The following CNTNAP2 variants were observed in gnomAD, a reference collection of about 807,000 sequenced individuals.
The protein encoded by CNTNAP2 is contactin-associated protein-like 2.
CNTNAP2 carries 98 observed loss-of-function variants against 155.2 expected under a neutral mutation model. The ratio of observed to expected loss-of-function variants is 0.63; its 90% CI spans 0.54 to 0.75. The LOEUF (loss-of-function observed/expected upper bound fraction) is 0.75, where lower values mean the gene tolerates loss of function less well. CNTNAP2 is among the 30% of genes least tolerant of loss of function. CNTNAP2 has a pLI of 0.00. For missense variants in CNTNAP2, 1,727 were observed against 1,688.1 expected (o/e 1.02, Z -0.40); for synonymous variants, 651 against 631.2 (o/e 1.03, Z -0.47).
At chr7:148,225,434 T>C (rs1795827433) in intron 19 of CNTNAP2, among the ~76,000 whole-genome samples, 1 of 152,084 alleles carries the variant, frequency 6.6e-6, no homozygotes, top group South Asian at 2.1e-4. Flanking sequence ...GCAAAGGCCC[T>C]TGGGTAGGAA....
At chr7:146,451,518 C>A (rs2129122335) in intron 1 of CNTNAP2, among the ~76,000 whole-genome samples, 1 of 152,250 alleles carries the variant, frequency 6.6e-6, no homozygotes, top group Admixed American at 6.6e-5. Flanking sequence ...CCACAGGGTG[C>A]TGAACTCAAA....
chr7:148,052,384 G>T lies in CNTNAP2; in HGVS notation c.2384-65734G>T, dbSNP rs1199993339. On this transcript the variant is annotated intron_variant, in intron 15 of 23. Coordinates refer to ENST00000361727, the MANE Select transcript of CNTNAP2 (RefSeq NM_014141.6). ...GATGGAAAAAAAAAAAAAAGATCCA[G>T]AATTGTTCAGTAAAGGTGTAAAAAG... is the stretch of plus-strand genomic sequence containing the variant. 6.2e-5 allele frequency among the ~76,000 whole-genome samples: 9 copies of T among 145,620 alleles called. No homozygotes were observed. The South Asian group carries it at 1.9e-3, about 31-fold the overall frequency.
chr7:146,732,645 A>G (rs553060395), intron 1 of CNTNAP2, among the ~76,000 whole-genome samples: 1 of 152,132 alleles, frequency 6.6e-6, no homozygotes, highest in Non-Finnish European at 1.5e-5. Context: ...CCATCATACC[A>G]AAAAGAAATA....
At chr7:147,907,213 C>T (rs1368583400) in intron 14 of CNTNAP2, among the ~76,000 whole-genome samples, 1 of 151,978 alleles carries the variant, frequency 6.6e-6, no homozygotes, top group African/African-American at 2.4e-5. Flanking sequence ...CCCACCACCA[C>T]GCCTGGCTTA....
At chr7:146,542,147 C>T (rs1362979946) in intron 1 of CNTNAP2, among the ~76,000 whole-genome samples, 2 of 151,826 alleles carry the variant, frequency 1.3e-5, no homozygotes, top group Non-Finnish European at 2.9e-5. Context: ...TTTCTACTGT[C>T]TTCTTGTTTA....
intron 1 of CNTNAP2, among the ~76,000 whole-genome samples, chr7:146,433,174 T>C (rs956042510): frequency 2.6e-5 from 4 of 152,184 alleles, no homozygotes; most frequent in Non-Finnish European, 4.4e-5. Flanking sequence ...AATATCCATG[T>C]TCTCTCTGCT....
chr7:147,436,551 C>T (rs1290400273), intron 10 of CNTNAP2, among the ~76,000 whole-genome samples: 1 of 152,092 alleles, frequency 6.6e-6, no homozygotes, highest in African/African-American at 2.4e-5. Flanking sequence ...TCAAAGCAAA[C>T]ATTACACTGG....
intron 4 of CNTNAP2, among the ~76,000 whole-genome samples, chr7:147,060,884 AAAAG>A (rs1250604488): frequency 6.6e-5 from 10 of 152,166 alleles, no homozygotes; most frequent in African/African-American, 2.2e-4. Context: ...TAGAAAAAGA[AAAAG>A]AAAAAAACTG....
chr7:147,021,897 C>G (rs568996561), intron 3 of CNTNAP2, among the ~76,000 whole-genome samples: 88 of 149,132 alleles, frequency 5.9e-4, no homozygotes, highest in Admixed American at 1.5e-3. Context: ...ACACTCCAAT[C>G]ATGAAGGACA....
At chr7:146,732,841 A>T (rs1367791536) in intron 1 of CNTNAP2, among the ~76,000 whole-genome samples, 6 of 152,258 alleles carry the variant, frequency 3.9e-5, no homozygotes, top group African/African-American at 1.4e-4. Context: ...TACAATGTAG[A>T]TGCTGTATTG....
At chr7:147,942,779 C>T (rs767729187) in intron 14 of CNTNAP2, among the ~76,000 whole-genome samples, 4 of 152,062 alleles carry the variant, frequency 2.6e-5, no homozygotes, top group African/African-American at 9.7e-5. Flanking sequence ...GGCTCACGCC[C>T]GTAATCCCAG....
In CNTNAP2 at chr7:146,267,844, G is replaced by A. The variant is rs992481710; in HGVS notation, c.97+150871G>A. Among the ~76,000 whole-genome samples, 17 of 152,224 alleles carry A rather than the reference G, an allele frequency of 1.1e-4. No individual in the cohort carries two copies. The East Asian group carries it at 1.4e-3, about 12-fold the overall frequency. On this transcript the variant is annotated intron_variant, in intron 1 of 23. Transcript: ENST00000361727. ...AATCCTCTAAACCAGATTTTCTATAGATATAAAAATTAAAAAGAGCTATGA... is the reference window on the plus strand; with the variant it reads ...AATCCTCTAAACCAGATTTTCTATAAATATAAAAATTAAAAAGAGCTATGA...
chr7:148,110,548 C>T (rs191622385), intron 15 of CNTNAP2, among the ~76,000 whole-genome samples: 15 of 152,180 alleles, frequency 9.9e-5, no homozygotes, highest in Middle Eastern at 3.4e-3. Flanking sequence ...TCATTCTCCA[C>T]GAAAGAACTT....
At position 147,509,186 on chromosome 7, in the gene CNTNAP2, T is replaced by G. The variant is rs561474279; in HGVS notation, c.1777+23145T>G. Among the ~76,000 whole-genome samples the G allele has an allele frequency of 2.8e-4, 42 of 152,308 alleles. No individual in the cohort carries two copies. The South Asian group carries it at 8.7e-3, about 32-fold the overall frequency. The stretch of plus-strand genomic sequence containing the variant: ...ATTACTCAGCTCAAGTCTCTTTGAT[T>G]GCAGGAAACATTGTATCATCCCAAA... On this transcript the variant is annotated intron_variant, in intron 11 of 23. Transcript: ENST00000361727.
At chr7:146,331,550 G>A (rs1250363728) in intron 1 of CNTNAP2, among the ~76,000 whole-genome samples, 1 of 151,574 alleles carries the variant, frequency 6.6e-6, no homozygotes, top group Non-Finnish European at 1.5e-5. Flanking sequence ...ATCCTCCAGG[G>A]GTCCTCCAGG....
chr7:146,940,544 A>G (rs1250234228), intron 3 of CNTNAP2, among the ~76,000 whole-genome samples: 1 of 152,006 alleles, frequency 6.6e-6, no homozygotes, highest in Non-Finnish European at 1.5e-5. Context: ...GTCTTAATAA[A>G]TTATGTGTTT....
chr7:147,351,659 A>G (rs1795969620), intron 9 of CNTNAP2, among the ~76,000 whole-genome samples: 1 of 151,848 alleles, frequency 6.6e-6, no homozygotes, highest in Non-Finnish European at 1.5e-5. Flanking sequence ...ATGAGTTTAG[A>G]AACTCATGAT....
At chr7:147,424,056 T>C (rs140092011) in intron 10 of CNTNAP2, among the ~76,000 whole-genome samples, 1 of 152,282 alleles carries the variant, frequency 6.6e-6, no homozygotes, top group East Asian at 1.9e-4. Context: ...CCTATGCTGA[T>C]TGGTCTCACT....
At chr7:147,993,798 T>TAA (rs774479828) in intron 15 of CNTNAP2, among the ~76,000 whole-genome samples, 20 of 152,176 alleles carry the variant, frequency 1.3e-4, no homozygotes, top group Admixed American at 8.5e-4. Flanking sequence ...GGATGTTATA[T>TAA]ATTTGAGAAC....
Sources: gnomAD v4.1 joint callset for allele counts (sites outside exome capture counted in the v4.1 genomes callset) on GRCh38, gnomAD v4.1.1 for gene constraint, MANE v1.5 for transcripts, NCBI Gene and HGNC (gene_info 2026-07-23, HGNC 2026-07-21) for gene names.